Variants in ITFG1 observed in about 807,000 individuals in gnomAD.
The protein encoded by ITFG1 is T-cell immunomodulatory protein.
Under a neutral mutation model 81.8 loss-of-function variants are expected in ITFG1, and 34 were observed. That is an observed-to-expected ratio of 0.42 (90% CI 0.32 to 0.55). The LOEUF (loss-of-function observed/expected upper bound fraction) is 0.55, where lower values mean the gene tolerates loss of function less well. Ranked by LOEUF, ITFG1 falls within the 20% of genes least tolerant of loss-of-function variation. The pLI is 0.17. For synonymous variants in ITFG1, 285 were observed against 270.6 expected, an observed-to-expected ratio of 1.05 and a Z score of -0.52; for missense variants, 672 against 755.4, an observed-to-expected ratio of 0.89 and a Z score of 1.29.
At chr16:47,395,310 T>C (rs1968580512) in intron 6 of ITFG1, among the ~76,000 whole-genome samples, 1 of 152,146 alleles carries the variant, frequency 6.6e-6, no homozygotes, top group African/African-American at 2.4e-5. Flanking sequence ...ATACAGCTCA[T>C]TAAAGAGTCT....
intron 13 of ITFG1, among the ~76,000 whole-genome samples, chr16:47,223,905 G>T (rs1468532163): frequency 6.6e-6 from 1 of 152,140 alleles, no homozygotes; most frequent in Non-Finnish European, 1.5e-5. Context: ...ATGAGTTCAT[G>T]TCCTTTGTAG....
At chr16:47,441,225 T>C (rs1969245112) in intron 5 of ITFG1, among the ~76,000 whole-genome samples, 1 of 152,112 alleles carries the variant, frequency 6.6e-6, no homozygotes, top group Admixed American at 6.5e-5. Flanking sequence ...ACCAGATGGA[T>C]TCACAGCCAA....
intron 10 of ITFG1, among the ~76,000 whole-genome samples, chr16:47,278,544 A>T (rs890666219): frequency 1.3e-5 from 2 of 152,202 alleles, no homozygotes; most frequent in African/African-American, 4.8e-5. Context: ...CATGCGAGGC[A>T]GGCCGACTTG....
At chr16:47,281,456 C>T (rs1966450492) in intron 10 of ITFG1, among the ~76,000 whole-genome samples, 1 of 152,116 alleles carries the variant, frequency 6.6e-6, no homozygotes, top group Non-Finnish European at 1.5e-5. Context: ...TTATGTAGAA[C>T]TGGAATTATT....
chr16:47,172,953 G>C (rs148699885), intron 14 of ITFG1, among the ~76,000 whole-genome samples: 1 of 152,038 alleles, frequency 6.6e-6, no homozygotes, highest in Admixed American at 6.6e-5. Context: ...TTTCTACTCT[G>C]TAACCTCCCT....
At chr16:47,421,038 CT>C (rs1968939785) in intron 6 of ITFG1, among the ~76,000 whole-genome samples, 4 of 151,810 alleles carry the variant, frequency 2.6e-5, no homozygotes, top group Admixed American at 2.6e-4. Context: ...GTTCAATTAC[CT>C]TTCATCGAAT....
intron 7 of ITFG1, among the ~76,000 whole-genome samples, chr16:47,366,963 TC>T (rs1329414227): frequency 6.6e-6 from 1 of 152,124 alleles, no homozygotes; most frequent in East Asian, 1.9e-4. Context: ...GTCCTCTAAT[TC>T]CACAGGTTGA....
chr16:47,285,074 G>C (rs1009600627), intron 10 of ITFG1, among the ~76,000 whole-genome samples: 9 of 152,068 alleles, frequency 5.9e-5, no homozygotes, highest in Non-Finnish European at 1.2e-4. Context: ...CATAGCCCTC[G>C]TTACAGTCTT....
chr16:47,218,949 G>T lies in ITFG1; in HGVS notation c.1375-3C>A. 6.4e-7 allele frequency: 1 copy of T among 1,564,624 alleles called. No homozygotes were observed. On this transcript the variant is annotated splice_polypyrimidine_tract_variant and splice_region_variant and intron_variant, in intron 13 of 17. Coordinates refer to ENST00000320640, the MANE Select transcript of ITFG1 (RefSeq NM_030790.5). The stretch of plus-strand genomic sequence containing the variant: ...CCAGGTTGATTCACTCCAAAGGGCT[G>T]CAATAGAAAAAAAAAATAGTTAAGG...
chr16:47,328,185 G>A (rs1967584715), intron 8 of ITFG1, among the ~76,000 whole-genome samples: 1 of 152,032 alleles, frequency 6.6e-6, no homozygotes, highest in African/African-American at 2.4e-5. Context: ...CATGGATGAA[G>A]CTGCAAACCA....
At chr16:47,281,259 T>C (rs1322739360) in intron 10 of ITFG1, among the ~76,000 whole-genome samples, 1 of 152,192 alleles carries the variant, frequency 6.6e-6, no homozygotes, top group Non-Finnish European at 1.5e-5. Context: ...CAAGTGGTAC[T>C]GGAGAATCAG....
At chr16:47,255,449 A>G (rs1966128544) in intron 12 of ITFG1, among the ~76,000 whole-genome samples, 1 of 152,228 alleles carries the variant, frequency 6.6e-6, no homozygotes, top group Non-Finnish European at 1.5e-5. Context: ...TTTTCAAGAA[A>G]TGAATGACTG....
chr16:47,438,864 G>C (rs896782364), intron 5 of ITFG1, among the ~76,000 whole-genome samples: 1 of 152,184 alleles, frequency 6.6e-6, no homozygotes, highest in East Asian at 1.9e-4. Flanking sequence ...AGAGAGGAAG[G>C]CTTCAGAAGA....
At chr16:47,338,285 C>G (rs192938171) in intron 8 of ITFG1, among the ~76,000 whole-genome samples, 2 of 152,010 alleles carry the variant, frequency 1.3e-5, no homozygotes, top group African/African-American at 4.8e-5. Context: ...GTGGCAGGCG[C>G]GCATAATCCC....
chr16:47,230,279 A>G (rs985371292), intron 13 of ITFG1, among the ~76,000 whole-genome samples: 1 of 152,180 alleles, frequency 6.6e-6, no homozygotes, highest in Non-Finnish European at 1.5e-5. Flanking sequence ...GCTGGGAAGA[A>G]AGAGCAGGAA....
intron 10 of ITFG1, among the ~76,000 whole-genome samples, chr16:47,287,197 CGTTGT>C (rs1225626189): frequency 2.6e-5 from 4 of 152,076 alleles, no homozygotes; most frequent in Non-Finnish European, 4.4e-5. Flanking sequence ...TCCAGAATAA[CGTTGT>C]GTTAACAGAA....
At chr16:47,278,661 G>A (rs1176122058) in intron 10 of ITFG1, among the ~76,000 whole-genome samples, 1 of 152,158 alleles carries the variant, frequency 6.6e-6, no homozygotes, top group Non-Finnish European at 1.5e-5. Flanking sequence ...AGAAAAAAAA[G>A]TTGTGAAAGT....
chr16:47,357,470 C>T (rs1443345905), intron 8 of ITFG1, among the ~76,000 whole-genome samples: 3 of 151,828 alleles, frequency 2.0e-5, no homozygotes, highest in African/African-American at 7.3e-5. Context: ...AAACAATTAG[C>T]CGGGCGTGGT....
chr16:47,343,828 C>T (rs1466193528), intron 8 of ITFG1, among the ~76,000 whole-genome samples: 3 of 152,056 alleles, frequency 2.0e-5, no homozygotes, highest in Non-Finnish European at 4.4e-5. Flanking sequence ...CCTTATATCC[C>T]AGCAATTTCC....
Sources: gnomAD v4.1 joint callset for allele counts (sites outside exome capture counted in the v4.1 genomes callset) on GRCh38, gnomAD v4.1.1 for gene constraint, MANE v1.5 for transcripts, NCBI Gene and HGNC (gene_info 2026-07-23, HGNC 2026-07-21) for gene names.